PRTFDC1: variants seen among roughly 807,000 people sequenced by gnomAD.
PRTFDC1 encodes the protein phosphoribosyl transferase domain containing 1.
A neutral mutation model predicts 34.6 loss-of-function variants in PRTFDC1; 38 were observed. The ratio of observed to expected loss-of-function variants is 1.10; its 90% CI spans 0.85 to 1.44. The LOEUF is 1.44. Among genes scored for constraint, PRTFDC1 ranks in the 40% most tolerant of loss-of-function variants. The pLI is 0.00. For synonymous variants in PRTFDC1, 93 were observed against 98.1 expected, an observed-to-expected ratio of 0.95 and a Z score of 0.31; for missense variants, 270 against 283.0, an observed-to-expected ratio of 0.95 and a Z score of 0.33.
intron 7 of PRTFDC1, among the ~76,000 whole-genome samples, chr10:24,855,056 C>T (rs1452225808): frequency 2.0e-5 from 3 of 152,076 alleles, no homozygotes; most frequent in Non-Finnish European, 4.4e-5. Context: ...GTGAAACATA[C>T]AAATAAAAAT....
intron 1 of PRTFDC1, among the ~76,000 whole-genome samples, chr10:24,944,106 G>A (rs1487723889): frequency 6.6e-6 from 1 of 151,872 alleles, no homozygotes; most frequent in Non-Finnish European, 1.5e-5. Flanking sequence ...GAACTCAGAA[G>A]CCCAGGTCAC....
At chr10:24,881,202 G>A (rs925302050) in intron 3 of PRTFDC1, among the ~76,000 whole-genome samples, 5 of 151,160 alleles carry the variant, frequency 3.3e-5, no homozygotes, top group African/African-American at 7.3e-5. Context: ...AAGTAGCTGG[G>A]ACTACAGATG....
At chr10:24,916,683 C>T (rs1297635615) in intron 3 of PRTFDC1, among the ~76,000 whole-genome samples, 3 of 152,198 alleles carry the variant, frequency 2.0e-5, no homozygotes, top group Non-Finnish European at 4.4e-5. Context: ...TCTGACCACT[C>T]CCCACAACCC....
intron 1 of PRTFDC1, among the ~76,000 whole-genome samples, chr10:24,945,753 G>A (rs750620211): frequency 2.0e-5 from 3 of 152,170 alleles, no homozygotes; most frequent in Non-Finnish European, 4.4e-5. Flanking sequence ...CATCATGCCT[G>A]GTCAATCTGC....
At chr10:24,881,791 T>C (rs1848083179) in intron 3 of PRTFDC1, among the ~76,000 whole-genome samples, 1 of 152,166 alleles carries the variant, frequency 6.6e-6, no homozygotes, top group African/African-American at 2.4e-5. Context: ...GACCACCGTT[T>C]TGCACTGAGG....
intron 3 of PRTFDC1, among the ~76,000 whole-genome samples, chr10:24,888,815 C>T (rs7916535): frequency 0.5 from 76,136 of 151,974 alleles, 19,661 homozygotes; most frequent in South Asian, 0.7. Flanking sequence ...GGTATCTCTA[C>T]ATAACTCAAC....
chr10:24,905,809 T>C (rs1287451653), intron 3 of PRTFDC1, among the ~76,000 whole-genome samples: 1 of 152,206 alleles, frequency 6.6e-6, no homozygotes, highest in East Asian at 1.9e-4. Context: ...CTAGTAGTTA[T>C]TGATTACTTA....
intron 3 of PRTFDC1, among the ~76,000 whole-genome samples, chr10:24,931,913 G>GAAAAAAAAAAAA (rs374618686): frequency 7.6e-6 from 1 of 132,288 alleles, no homozygotes; most frequent in Non-Finnish European, 1.6e-5. Context: ...GGCACTATAA[G>GAAAAAAAAAAAA]AAAAAAAAAA....
chr10:24,925,270 G>A (rs976918512), intron 3 of PRTFDC1, among the ~76,000 whole-genome samples: 4 of 152,156 alleles, frequency 2.6e-5, no homozygotes, highest in Admixed American at 1.3e-4. Flanking sequence ...GTTGAACAAT[G>A]AGAACACATG....
rs552935129 is a variant in PRTFDC1 at position 24,911,878 on chromosome 10, A to C, written c.339+25306T>G. On this transcript the variant is annotated intron_variant, in intron 3 of 8. Coordinates refer to ENST00000320152, the MANE Select transcript of PRTFDC1 (RefSeq NM_020200.7). ...CAAGACTCCATCTCAAAAAAAACAA[A>C]ACAAACAAACAAACAAAAACCTGTT... is the stretch of plus-strand genomic sequence containing the variant. 4.0e-3 allele frequency among the ~76,000 whole-genome samples: 339 copies of C among 84,700 alleles called. 2 individuals carry two copies. The highest frequency in any genetic ancestry group is 1.7e-3 in the East Asian group (8 of 4,810). The allele number at this position is 84,700 out of a possible 152,430, so 55.6% of individuals were successfully genotyped here.
chr10:24,896,922 A>C (rs1357819637), intron 3 of PRTFDC1, among the ~76,000 whole-genome samples: 2 of 152,190 alleles, frequency 1.3e-5, no homozygotes, highest in South Asian at 2.1e-4. Context: ...AAACAATTTA[A>C]AAATTAATCA....
rs548516143 is a variant in PRTFDC1, at chr10:24,851,534, T to A, written c.554-70A>T. 4.5e-6 allele frequency: 7 copies of A among 1,566,978 alleles called. 1 individual carries two copies. In the South Asian group the frequency reaches 7.2e-5, roughly 16 times the overall value. ...GATTATATAAATGCAAGTCACCATA[T>A]GCTGCTGTCGCCACTCAAACTTGAG... On this transcript the variant is annotated intron_variant, in intron 7 of 8. Coordinates refer to ENST00000320152, the MANE Select transcript of PRTFDC1 (RefSeq NM_020200.7).
intron 3 of PRTFDC1, among the ~76,000 whole-genome samples, chr10:24,924,825 T>G (rs1298830061): frequency 6.6e-6 from 1 of 152,156 alleles, no homozygotes; most frequent in Non-Finnish European, 1.5e-5. Flanking sequence ...AAACAACAGA[T>G]GCTGGAGAGG....
At chr10:24,868,866 T>C (rs894982461) in intron 4 of PRTFDC1, among the ~76,000 whole-genome samples, 3 of 152,188 alleles carry the variant, frequency 2.0e-5, no homozygotes, top group African/African-American at 7.2e-5. Flanking sequence ...AAAACTTATT[T>C]CTAAAATCTT....
chr10:24,885,484 C>G (rs1848150186), intron 3 of PRTFDC1, among the ~76,000 whole-genome samples: 1 of 152,224 alleles, frequency 6.6e-6, no homozygotes, highest in Non-Finnish European at 1.5e-5. Flanking sequence ...TGGCTCACAG[C>G]AACCTCCGCC....
At chr10:24,871,097 G>A (rs1485640414) in intron 4 of PRTFDC1, among the ~76,000 whole-genome samples, 2 of 143,154 alleles carry the variant, frequency 1.4e-5, no homozygotes, top group Non-Finnish European at 3.0e-5. Flanking sequence ...AAAAGTCCTT[G>A]TGGCTCTATA....
At chr10:24,867,571 C>T (rs1174413065) in intron 4 of PRTFDC1, 3 of 152,082 alleles carry the variant, frequency 2.0e-5, no homozygotes, top group East Asian at 1.9e-4. Context: ...TACTACTTCC[C>T]TGTTTTTGAT....
rs1364580613 is a variant in PRTFDC1, at chr10:24,865,877, T to C, written c.405+6121A>G. ...AGTAGGAATGTGAATATAAACCCCATGGAAAAGGGAATGTAGTTTAGCATT... is the reference window on the plus strand; with the variant it reads ...AGTAGGAATGTGAATATAAACCCCACGGAAAAGGGAATGTAGTTTAGCATT... On this transcript the variant is annotated intron_variant, in intron 4 of 8. Coordinates refer to ENST00000320152, the MANE Select transcript of PRTFDC1 (RefSeq NM_020200.7). Among the ~76,000 whole-genome samples, 4 of 152,154 alleles carry C rather than the reference T, an allele frequency of 2.6e-5. 1 individual carries two copies. The highest frequency in any genetic ancestry group is 1.5e-5 in the Non-Finnish European group (1 of 68,020).
intron 3 of PRTFDC1, among the ~76,000 whole-genome samples, chr10:24,936,185 C>A (rs74404808): frequency 6.6e-6 from 1 of 152,162 alleles, no homozygotes; most frequent in African/African-American, 2.4e-5. Context: ...GAGCTCCTCA[C>A]CCAATAGTAA....
Sources: allele counts gnomAD v4.1 joint callset (sites outside exome capture counted in the v4.1 genomes callset), GRCh38; gene constraint gnomAD v4.1.1; transcripts MANE v1.5; gene names NCBI Gene and HGNC (gene_info 2026-07-23, HGNC 2026-07-21).